The following GPC5 variants were observed in gnomAD, a reference collection of about 807,000 sequenced individuals.
The protein encoded by GPC5 is glypican 5.
A neutral mutation model predicts 53.9 loss-of-function variants in GPC5; 47 were observed. The observed-to-expected ratio is 0.87, with a 90% CI of 0.69 to 1.11. The LOEUF (loss-of-function observed/expected upper bound fraction) is 1.11, where lower values mean the gene tolerates loss of function less well. Ranked by LOEUF, GPC5 falls within the 50% of genes most tolerant of loss-of-function variation. The pLI, the probability that GPC5 is intolerant of heterozygous loss-of-function variation, is 0.00. For synonymous variants in GPC5, 286 were observed against 263.3 expected (o/e 1.09, Z -0.84); for missense variants, 748 against 713.1 (o/e 1.05, Z -0.56).
chr13:91,959,960 A>C (rs138945275), intron 6 of GPC5, among the ~76,000 whole-genome samples: 2 of 152,092 alleles, frequency 1.3e-5, no homozygotes, highest in East Asian at 3.9e-4. Flanking sequence ...AACATTATAA[A>C]GGCAAACCCA....
intron 5 of GPC5, among the ~76,000 whole-genome samples, chr13:91,811,155 A>G (rs1594585039): frequency 2.0e-5 from 3 of 152,066 alleles, no homozygotes; most frequent in Non-Finnish European, 2.9e-5. Flanking sequence ...AATTGAATCT[A>G]GAATTAAAAC....
In GPC5 at chr13:92,159,593, CTTTTTTTTTTTTT is replaced by C. The variant is rs71120074; in HGVS notation, c.1561+14619_1561+14631del. On this transcript the variant is annotated intron_variant, in intron 7 of 7. Coordinates refer to ENST00000377067, the MANE Select transcript of GPC5 (RefSeq NM_004466.6). ...CTATGTAATCACTAATACCAATGTT[CTTTTTTTTTTTTT>C]TTTTTTTTTTTTTTGAGACAGAGTG... 4.9e-4 allele frequency among the ~76,000 whole-genome samples: 28 copies of C among 57,212 alleles called. 1 individual carries two copies. The highest frequency in any genetic ancestry group is 1.7e-3 in the African/African-American group (26 of 15,510). The allele number at this position is 57,212 out of a possible 152,430, so 37.5% of individuals were successfully genotyped here. A position where few individuals can be genotyped will look rare whatever the true frequency, so the allele number is the denominator to read the frequency against.
At chr13:91,684,303 A>G (rs987664173) in intron 2 of GPC5, among the ~76,000 whole-genome samples, 1 of 152,160 alleles carries the variant, frequency 6.6e-6, no homozygotes, top group African/African-American at 2.4e-5. Context: ...ACTTTTCCTG[A>G]GACTCCAATT....
chr13:92,380,242 G>T (rs2043727808), intron 7 of GPC5, among the ~76,000 whole-genome samples: 1 of 152,088 alleles, frequency 6.6e-6, no homozygotes, highest in African/African-American at 2.4e-5. Flanking sequence ...TGATGCTCTT[G>T]GTGTGCCCTC....
At chr13:91,471,512 G>A (rs1193287935) in intron 2 of GPC5, among the ~76,000 whole-genome samples, 1 of 152,122 alleles carries the variant, frequency 6.6e-6, no homozygotes, top group African/African-American at 2.4e-5. Flanking sequence ...ATGTCTAGAA[G>A]TTAGAGAGGT....
At chr13:91,650,750 G>GTTTTGTTTTTT (rs1555333961) in intron 2 of GPC5, among the ~76,000 whole-genome samples, 1 of 99,602 alleles carries the variant, frequency 1.0e-5, no homozygotes, top group African/African-American at 4.1e-5. Flanking sequence ...ATTCCCATAA[G>GTTTTGTTTTTT]TTTTTTTTTT....
chr13:91,463,689 A>T (rs192317997), intron 2 of GPC5, among the ~76,000 whole-genome samples: 160 of 152,246 alleles, frequency 1.1e-3, no homozygotes, highest in Non-Finnish European at 1.6e-3. Flanking sequence ...ATGGAGAAAG[A>T]ATATCCTTTT....
At chr13:91,836,659 A>G (rs2038725751) in intron 5 of GPC5, among the ~76,000 whole-genome samples, 1 of 152,000 alleles carries the variant, frequency 6.6e-6, no homozygotes, top group Admixed American at 6.6e-5. Flanking sequence ...CATCTGACAT[A>G]CATTTTGAGG....
intron 2 of GPC5, among the ~76,000 whole-genome samples, chr13:91,662,734 C>A (rs976286111): frequency 6.6e-6 from 1 of 152,160 alleles, no homozygotes; most frequent in Non-Finnish European, 1.5e-5. Context: ...TTGCTGTGCT[C>A]ATTATTACCA....
chr13:92,722,442 G>T (rs1594454849), intron 7 of GPC5, among the ~76,000 whole-genome samples: 1 of 151,776 alleles, frequency 6.6e-6, no homozygotes, highest in Admixed American at 6.6e-5. Context: ...GGCAGAAAAA[G>T]GGACTTAGCC....
intron 7 of GPC5, among the ~76,000 whole-genome samples, chr13:92,832,758 C>T (rs1369417893): frequency 1.3e-5 from 2 of 152,004 alleles, no homozygotes; most frequent in East Asian, 1.9e-4. Context: ...CTGTAGTCCC[C>T]GCACTTTGGG....
rs139122504 is a variant in GPC5 at position 91,572,624 on chromosome 13, G to C, written c.326-120563G>C. On this transcript the variant is annotated intron_variant, in intron 2 of 7. Transcript: ENST00000377067. The stretch of plus-strand genomic sequence containing the variant: ...ACTAACAGAGCAAGAATGAAATCAT[G>C]ACCATGGGGAGGGAGGGCACCAAGC... Among the ~76,000 whole-genome samples, 959 of 152,038 alleles carry C rather than the reference G, an allele frequency of 6.3e-3. 10 individuals carry two copies. The highest frequency in any genetic ancestry group is 0.022 in the African/African-American group (924 of 41,472).
At chr13:91,531,085 A>G (rs1179926922) in intron 2 of GPC5, among the ~76,000 whole-genome samples, 3 of 152,178 alleles carry the variant, frequency 2.0e-5, no homozygotes, top group Non-Finnish European at 4.4e-5. Context: ...TTCTTCTGTG[A>G]CTATTGGCTC....
At chr13:91,413,349 C>A (rs1314467230) in intron 1 of GPC5, among the ~76,000 whole-genome samples, 6 of 150,292 alleles carry the variant, frequency 4.0e-5, no homozygotes, top group Non-Finnish European at 8.9e-5. Flanking sequence ...AAATATGGCC[C>A]CACTTAAAAA....
At chr13:92,222,466 A>C (rs1047179553) in intron 7 of GPC5, among the ~76,000 whole-genome samples, 2 of 152,200 alleles carry the variant, frequency 1.3e-5, no homozygotes, top group African/African-American at 4.8e-5. Flanking sequence ...CAGATGGTCA[A>C]AGAAGAAAGT....
At chr13:92,088,078 C>T (rs1157195842) in intron 6 of GPC5, among the ~76,000 whole-genome samples, 2 of 151,962 alleles carry the variant, frequency 1.3e-5, no homozygotes, top group African/African-American at 2.4e-5. Flanking sequence ...GCCCCAACTA[C>T]AATCTTGCCG....
chr13:92,102,100 A>T (rs1052873416), intron 6 of GPC5, among the ~76,000 whole-genome samples: 8 of 152,192 alleles, frequency 5.3e-5, no homozygotes, highest in African/African-American at 1.9e-4. Flanking sequence ...ATATAAATAG[A>T]TGAATTTTCC....
At chr13:92,519,696 C>T (rs968507420) in intron 7 of GPC5, among the ~76,000 whole-genome samples, 17 of 152,134 alleles carry the variant, frequency 1.1e-4, no homozygotes, top group Non-Finnish European at 2.2e-4. Flanking sequence ...AAAATTGACA[C>T]CCTAACAACA....
chr13:91,409,182 G>A (rs1181998103), intron 1 of GPC5, among the ~76,000 whole-genome samples: 1 of 152,108 alleles, frequency 6.6e-6, no homozygotes. Context: ...TGTGTTTAAT[G>A]AGCTAAAACT....
Sources: gnomAD v4.1 joint callset for allele counts (sites outside exome capture counted in the v4.1 genomes callset) on GRCh38, gnomAD v4.1.1 for gene constraint, MANE v1.5 for transcripts, NCBI Gene and HGNC (gene_info 2026-07-23, HGNC 2026-07-21) for gene names.